CORIN: variants seen among roughly 807,000 people sequenced by gnomAD.
The protein encoded by CORIN is corin, serine peptidase.
CORIN carries 117 observed loss-of-function variants against 125.3 expected under a neutral mutation model. The observed-to-expected ratio is 0.93, with a 90% CI of 0.80 to 1.09. The LOEUF (loss-of-function observed/expected upper bound fraction) is 1.09. Among genes scored for constraint, CORIN ranks in the 50% least tolerant of loss-of-function variants. The pLI is 0.00. For synonymous variants in CORIN, 450 were observed against 466.4 expected (o/e 0.96, Z 0.45); for missense variants, 1,253 against 1,306.7 (o/e 0.96, Z 0.63).
At position 47,674,415 on chromosome 4, in the gene CORIN, C is replaced by G. The variant is rs141520913; in HGVS notation, c.1335G>C (p.Pro445=). The G allele has an allele frequency of 6.2e-7, 1 of 1,612,974 alleles. No individual in the cohort carries two copies. ...TACTACAGTTATTCAGACTGTTGTT[C>G]GGGTCACAGAGAGAGCTACCACCAC... ...DSCGGSSLCD[P]NNSLNNCSQC... is the part of the protein sequence containing the mutation. The change falls in exon 10 of 22, where the codon CCG becomes CCC. Residue 445 remains proline (P), a synonymous_variant. Transcript: ENST00000273857.
At chr4:47,692,277 A>G (rs891144596) in intron 6 of CORIN, among the ~76,000 whole-genome samples, 1 of 152,204 alleles carries the variant, frequency 6.6e-6, no homozygotes, top group African/African-American at 2.4e-5. Flanking sequence ...ACTCAGTGTA[A>G]TTGTTTTCTT....
chr4:47,693,602 A>G (rs1725864277), intron 5 of CORIN, among the ~76,000 whole-genome samples: 1 of 152,184 alleles, frequency 6.6e-6, no homozygotes, highest in African/African-American at 2.4e-5. Flanking sequence ...TGTATTTGAA[A>G]TGTATTTACT....
intron 17 of CORIN, among the ~76,000 whole-genome samples, chr4:47,625,760 C>G (rs546573438): frequency 1.3e-5 from 2 of 152,210 alleles, no homozygotes; most frequent in East Asian, 3.9e-4. Flanking sequence ...AATATTCAAG[C>G]TGTAAAATAT....
At chr4:47,618,557 C>G (rs868215947) in intron 19 of CORIN, among the ~76,000 whole-genome samples, 1 of 151,484 alleles carries the variant, frequency 6.6e-6, no homozygotes, top group Non-Finnish European at 1.5e-5. Flanking sequence ...CAGTGGCTCA[C>G]GCCTGTAATC....
In CORIN at chr4:47,786,713, C is replaced by A. The variant is rs61764288; in HGVS notation, c.409+12G>T. On this transcript the variant is annotated intron_variant, in intron 3 of 21. Coordinates refer to ENST00000273857, the MANE Select transcript of CORIN (RefSeq NM_006587.4). Reference sequence around the variant, plus strand: ...ATTAAAAGCCTCTAGCATGTATCACCTTTGGACTTACTTGTATTCCTGTGA... The same window carrying A: ...ATTAAAAGCCTCTAGCATGTATCACATTTGGACTTACTTGTATTCCTGTGA... 1 of 1,610,146 alleles carries A rather than the reference C, an allele frequency of 6.2e-7. No homozygotes were observed. Among genetic ancestry groups the A allele is most frequent in the Non-Finnish European group, 8.5e-7 (1 of 1,176,394 alleles).
chr4:47,763,253 C>T, intron 4 of CORIN, 126 bp downstream of exon 4: 1 of 668,930 alleles, frequency 1.5e-6, no homozygotes, highest in Non-Finnish European at 2.6e-6. Context: ...AGAATTAGAA[C>T]TAGCCATGAC....
At chr4:47,681,826 A>T (rs1185571983) in intron 7 of CORIN, 1 of 152,200 alleles carries the variant, frequency 6.6e-6, no homozygotes, top group Non-Finnish European at 1.5e-5. Context: ...CAGTATATCA[A>T]ACAGACATCT....
At chr4:47,603,128 A>C (rs191122307) in intron 20 of CORIN, among the ~76,000 whole-genome samples, 1 of 152,218 alleles carries the variant, frequency 6.6e-6, no homozygotes, top group African/African-American at 2.4e-5. Flanking sequence ...TAATTGAAAC[A>C]TGGGGGGCAG....
intron 3 of CORIN, 147 bp downstream of exon 3, chr4:47,786,578 G>A (rs1730824807): frequency 1.6e-6 from 1 of 634,148 alleles, no homozygotes; most frequent in Non-Finnish European, 2.8e-6. Flanking sequence ...ACAAAATAGG[G>A]CACTCAGCTA....
intron 5 of CORIN, among the ~76,000 whole-genome samples, chr4:47,739,454 C>T (rs1396625827): frequency 1.3e-5 from 2 of 151,898 alleles, no homozygotes; most frequent in African/African-American, 2.4e-5. Context: ...GCAAAATATC[C>T]TTTCAAAATG....
In CORIN at chr4:47,664,965, C is replaced by T. The variant is rs181060677; in HGVS notation, c.1589+67G>A. The T allele has an allele frequency of 1.5e-4, 157 of 1,048,826 alleles. No homozygotes were observed. In the Admixed American group the frequency reaches 2.6e-3, roughly 17 times the overall value. 65.0% of individuals were successfully genotyped at this position (1,048,826 alleles called of 1,614,324 possible). ...GGAAATTTACGTTGTCCAAACTCAA[C>T]TAAGTCTTCACCCCTTGGTTCTCTC... On this transcript the variant is annotated intron_variant, in intron 11 of 21. Coordinates refer to ENST00000273857, the MANE Select transcript of CORIN (RefSeq NM_006587.4).
At chr4:47,653,485 AAC>A (rs1471245354) in intron 13 of CORIN, 66 bp downstream of exon 13, 15 of 1,292,058 alleles carry the variant, frequency 1.2e-5, no homozygotes, top group East Asian at 2.3e-5. Context: ...TTCCATTTTT[AAC>A]ACAGTTTCTT....
intron 4 of CORIN, among the ~76,000 whole-genome samples, chr4:47,755,478 T>C (rs1729094961): frequency 1.3e-5 from 2 of 152,238 alleles, no homozygotes; most frequent in East Asian, 1.9e-4. Flanking sequence ...CTGTTCTTTA[T>C]ATAAACTTTA....
chr4:47,812,390 AGCTACTTAGGAAGCTGAGGTGGGAGGACT>A (rs1260145142), intron 1 of CORIN, among the ~76,000 whole-genome samples: 3 of 152,134 alleles, frequency 2.0e-5, no homozygotes, highest in Non-Finnish European at 4.4e-5. Context: ...CTGTAGTCCC[AGCTACTTAGGAAGCTGAGGTGGGAGGACT>A]GCTTGAACCC....
At chr4:47,677,887 A>T in intron 9 of CORIN, 51 bp downstream of exon 9, 1 of 1,280,418 alleles carries the variant, frequency 7.8e-7, no homozygotes, top group Non-Finnish European at 1.1e-6. Context: ...TTTGTTCCCA[A>T]GGAGAGGACC....
At position 47,806,903 on chromosome 4, in the gene CORIN, C is replaced by A; in HGVS notation, c.208G>T (p.Gly70Ter). The change falls in exon 2 of 22, where the codon GGA (glycine) becomes TGA (stop). Residue 70 changes from glycine (G) to a stop codon, truncating the protein, a stop_gained and splice_region_variant. Transcript: ENST00000273857. LOFTEE classifies it high-confidence loss of function. ...TTTATTTAATAATGGCCTCACCCAC[C>A]AACATAGGAAAGCAGGATCACCAGC... ...LLLVILLSYV[G>*]TLQKVYFKSN... is the part of the protein sequence containing the mutation. 6.2e-7 allele frequency: 1 copy of A among 1,610,508 alleles called. No homozygotes were observed. The highest frequency in any genetic ancestry group is 8.5e-7 in the Non-Finnish European group (1 of 1,178,764).
intron 1 of CORIN, among the ~76,000 whole-genome samples, chr4:47,817,813 C>T (rs556539328): frequency 1.3e-4 from 20 of 152,224 alleles, no homozygotes; most frequent in African/African-American, 4.6e-4. Flanking sequence ...TTCTAGCCAC[C>T]CTCTATCACA....
intron 5 of CORIN, among the ~76,000 whole-genome samples, chr4:47,716,602 C>T (rs1009962182): frequency 1.3e-5 from 2 of 151,950 alleles, no homozygotes; most frequent in Non-Finnish European, 2.9e-5. Context: ...GATTATATAA[C>T]GATCCAATAC....
chr4:47,603,487 C>G lies in CORIN; in HGVS notation c.2722G>C (p.Val908Leu), dbSNP rs199593148. ...LSEDISETGY[V>L]RPVCLPNPEQ... Reference sequence around the variant, plus strand: ...GGGTTGGGCAAGCAGACAGGCCGGACGTAGCCAGTCTCACTGATGTCTTCA... The same window carrying G: ...GGGTTGGGCAAGCAGACAGGCCGGAGGTAGCCAGTCTCACTGATGTCTTCA... The change falls in exon 20 of 22, where the codon GTC becomes CTC. Residue 908 changes from valine to leucine, a missense_variant. Physicochemically the swap from Val to Leu is conservative, Grantham distance 32 (BLOSUM62 1). Coordinates refer to ENST00000273857, the MANE Select transcript of CORIN (RefSeq NM_006587.4). 6.2e-7 allele frequency: 1 copy of G among 1,614,050 alleles called. No individual in the cohort carries two copies. Among genetic ancestry groups the G allele is most frequent in the African/African-American group, 1.3e-5 (1 of 74,938 alleles).
Sources: allele counts gnomAD v4.1 joint callset (sites outside exome capture counted in the v4.1 genomes callset), GRCh38; gene constraint gnomAD v4.1.1; transcripts MANE v1.5; gene names NCBI Gene and HGNC (gene_info 2026-07-23, HGNC 2026-07-21).